DAPK1: variants seen among roughly 807,000 people sequenced by gnomAD.
DAPK1 encodes death associated protein kinase 1, also known as death-associated protein kinase 1.
In DAPK1, 56 loss-of-function variants were observed where a neutral mutation model predicts 144.9. The observed-to-expected ratio is 0.39, with a 90% CI of 0.31 to 0.48. The LOEUF is 0.48. Among genes scored for constraint, DAPK1 ranks in the 20% least tolerant of loss-of-function variants. The pLI, the probability that DAPK1 is intolerant of heterozygous loss-of-function variation, is 0.95. For synonymous variants in DAPK1, 690 were observed against 749.0 expected, an observed-to-expected ratio of 0.92 and a Z score of 1.29; for missense variants, 1,454 against 1,875.4, an observed-to-expected ratio of 0.78 and a Z score of 4.15.
intron 19 of DAPK1, among the ~76,000 whole-genome samples, chr9:87,675,923 G>A (rs1824360136): frequency 6.9e-6 from 1 of 144,794 alleles, no homozygotes; most frequent in Non-Finnish European, 1.5e-5. Context: ...AAGGTTCTGA[G>A]TCAGAATTCT....
At chr9:87,660,711 A>G (rs947598457) in intron 18 of DAPK1, among the ~76,000 whole-genome samples, 1 of 151,992 alleles carries the variant, frequency 6.6e-6, no homozygotes, top group Admixed American at 6.6e-5. Context: ...TTTAGTGCCC[A>G]CTTTAAGTGA....
In DAPK1 at chr9:87,498,061, C is replaced by T. The variant is rs1344674477; in HGVS notation, c.-155C>T. On this transcript the variant is annotated 5_prime_UTR_variant, in exon 1 of 26. Transcript: ENST00000408954. ...CTCCGGCGCTGGCGCCTATGGTCGGCCTCCGACAGCGCTCCGGAGGGACCG... is the reference window on the plus strand; with the variant it reads ...CTCCGGCGCTGGCGCCTATGGTCGGTCTCCGACAGCGCTCCGGAGGGACCG... The T allele has an allele frequency of 2.5e-6, 1 of 397,878 alleles. No individual in the cohort carries two copies. Among genetic ancestry groups the T allele is most frequent in the Non-Finnish European group, 4.4e-6 (1 of 225,646 alleles). The allele number at this position is 397,878 out of a possible 1,614,324, so 24.6% of individuals were successfully genotyped here.
intron 2 of DAPK1, among the ~76,000 whole-genome samples, chr9:87,531,209 T>C (rs1825688777): frequency 6.6e-6 from 1 of 152,194 alleles, no homozygotes. Flanking sequence ...GTGTGGGTCA[T>C]AGCTTGTGCG....
At chr9:87,609,898 T>C (rs1005450578) in intron 3 of DAPK1, among the ~76,000 whole-genome samples, 1 of 152,196 alleles carries the variant, frequency 6.6e-6, no homozygotes, top group East Asian at 1.9e-4. Flanking sequence ...TGTTGAAAAC[T>C]TGTGCCTGTC....
At chr9:87,506,891 A>G (rs1053707548) in intron 2 of DAPK1, 3 of 152,352 alleles carry the variant, frequency 2.0e-5, no homozygotes, top group South Asian at 2.1e-4. Flanking sequence ...ACTAAAATGG[A>G]TTTAAACTAA....
At chr9:87,601,757 A>G (rs1423358940) in intron 2 of DAPK1, among the ~76,000 whole-genome samples, 1 of 152,180 alleles carries the variant, frequency 6.6e-6, no homozygotes, top group Non-Finnish European at 1.5e-5. Context: ...TGCCCACTCT[A>G]CAGATAAGAA....
chr9:87,673,344 T>C (rs1320486339), intron 19 of DAPK1, among the ~76,000 whole-genome samples: 1 of 152,214 alleles, frequency 6.6e-6, no homozygotes, highest in African/African-American at 2.4e-5. Flanking sequence ...AATGGGCCAA[T>C]TGAGCAAAAG....
At chr9:87,663,620 G>A (rs2119248088) in intron 18 of DAPK1, among the ~76,000 whole-genome samples, 1 of 152,200 alleles carries the variant, frequency 6.6e-6, no homozygotes, top group African/African-American at 2.4e-5. Context: ...TCTGCTTCCT[G>A]CTGGTCCATC....
chr9:87,553,836 G>A (rs1826593698), intron 2 of DAPK1: 1 of 152,250 alleles, frequency 6.6e-6, no homozygotes, highest in Admixed American at 6.5e-5. Flanking sequence ...AGGGCAATAA[G>A]GAGAGGAAGC....
intron 2 of DAPK1, among the ~76,000 whole-genome samples, chr9:87,522,989 G>T (rs1377493325): frequency 6.6e-6 from 1 of 151,952 alleles, no homozygotes; most frequent in African/African-American, 2.4e-5. Flanking sequence ...ATAGCTTTAT[G>T]TTCATGTTAT....
intron 5 of DAPK1, 22 bp from the exon 6 acceptor site, chr9:87,639,628 A>G (rs1830027468): frequency 1.2e-6 from 2 of 1,613,904 alleles, no homozygotes; most frequent in Non-Finnish European, 8.5e-7. Context: ...CCCAAGCTAA[A>G]TGAGTGTTTG....
In DAPK1 at chr9:87,706,221, C is replaced by T. The variant is rs36220445; in HGVS notation, c.3150C>T (p.Ser1050=). Residue 1050 remains serine (S), a synonymous_variant, in exon 26 of 26, where the codon TCC becomes TCT. Coordinates refer to ENST00000408954, the MANE Select transcript of DAPK1 (RefSeq NM_004938.4). The surrounding 1 kb of genome is among the most constrained non-coding windows in gnomAD (Gnocchi z 9.0). ...CAAACGTCCTGGGGAAGTTGCTGTC[C>T]GTGGAGACCCCACGGGCGCTGCACC... is the stretch of plus-strand genomic sequence containing the variant. ...LCTNVLGKLL[S]VETPRALHHY... The T allele has an allele frequency of 0.043, 69,233 of 1,613,016 alleles. 1,832 individuals carry two copies. Among genetic ancestry groups the T allele is most frequent in the Non-Finnish European group, 0.051 (59,995 of 1,179,006 alleles).
chr9:87,659,612 C>T lies in DAPK1; in HGVS notation c.1923+1485C>T, dbSNP rs138681488. Reference sequence around the variant, plus strand: ...CCCTCTGTAGGGTCCCTCCGTGAGCCGCGGGCCCCTCTGCCCTTGCCCACG... The same window carrying T: ...CCCTCTGTAGGGTCCCTCCGTGAGCTGCGGGCCCCTCTGCCCTTGCCCACG... On this transcript the variant is annotated intron_variant, in intron 18 of 25. Coordinates refer to ENST00000408954, the MANE Select transcript of DAPK1 (RefSeq NM_004938.4). Among the ~76,000 whole-genome samples the T allele has an allele frequency of 2.5e-3, 381 of 152,272 alleles. 7 individuals are homozygous for T. In the East Asian group the frequency reaches 0.039, roughly 15 times the overall value.
chr9:87,679,586 A>G (rs1035001688), intron 19 of DAPK1, among the ~76,000 whole-genome samples: 1 of 152,096 alleles, frequency 6.6e-6, no homozygotes, highest in African/African-American at 2.4e-5. Flanking sequence ...TTGGTATTAG[A>G]TGTGAAATTG....
chr9:87,518,529 C>G (rs1252700076), intron 2 of DAPK1, among the ~76,000 whole-genome samples: 1 of 152,006 alleles, frequency 6.6e-6, no homozygotes, highest in East Asian at 1.9e-4. Flanking sequence ...AAATCTTGCT[C>G]TTTTTTTAAT....
intron 2 of DAPK1, among the ~76,000 whole-genome samples, chr9:87,578,685 C>T (rs1221084439): frequency 6.6e-6 from 1 of 152,172 alleles, no homozygotes; most frequent in Non-Finnish European, 1.5e-5. Flanking sequence ...AACCAGAAAA[C>T]AATCCCATTT....
chr9:87,638,907 C>G (rs766152206), intron 4 of DAPK1, among the ~76,000 whole-genome samples: 1 of 152,180 alleles, frequency 6.6e-6, no homozygotes, highest in Non-Finnish European at 1.5e-5. Context: ...GTTTCTGGCC[C>G]TGGGAGCTGG....
At chr9:87,664,767 C>T (rs578150461) in intron 18 of DAPK1, among the ~76,000 whole-genome samples, 9 of 152,336 alleles carry the variant, frequency 5.9e-5, no homozygotes, top group Non-Finnish European at 1.3e-4. Flanking sequence ...TCTCATCCTC[C>T]TTGCTCAGAT....
At chr9:87,651,401 C>T (rs1188757193) in intron 16 of DAPK1, 126 bp from the exon 17 acceptor site, 3 of 889,868 alleles carry the variant, frequency 3.4e-6, no homozygotes, top group Admixed American at 3.8e-5. Flanking sequence ...TTAAATCCTC[C>T]ACTAGGGCTT....
Sources: allele counts gnomAD v4.1 joint callset (sites outside exome capture counted in the v4.1 genomes callset), GRCh38; gene constraint gnomAD v4.1.1; non-coding constraint Gnocchi (gnomAD v3.1); transcripts MANE v1.5; gene names NCBI Gene and HGNC (gene_info 2026-07-23, HGNC 2026-07-21).